CELF6: variants seen among roughly 807,000 people sequenced by gnomAD.
CELF6 encodes the protein Bruno -like 6, RNA binding protein.
CELF6 carries 32 observed loss-of-function variants against 53.1 expected under a neutral mutation model. That is an observed-to-expected ratio of 0.60 (90% CI 0.46 to 0.81). The LOEUF is 0.81. Among genes scored for constraint, CELF6 ranks in the 30% least tolerant of loss-of-function variants. CELF6 has a pLI of 0.00. For synonymous variants in CELF6, 291 were observed against 288.8 expected (o/e 1.01, Z -0.08); for missense variants, 539 against 669.5 (o/e 0.81, Z 2.15).
At chr15:72,317,774 C>T (rs2088379877) in intron 1 of CELF6, among the ~76,000 whole-genome samples, 2 of 152,122 alleles carry the variant, frequency 1.3e-5, no homozygotes, top group Admixed American at 1.3e-4. Context: ...GTTTTGCTAC[C>T]AACCCATATC....
In CELF6 at chr15:72,288,671, A is replaced by G. The variant is rs939385672; in HGVS notation, c.1094-53T>C. On this transcript the variant is annotated intron_variant, in intron 9 of 12. Transcript: ENST00000287202. The surrounding 1 kb of genome is among the most constrained non-coding windows in gnomAD (Gnocchi z 4.6). ...GATCCCCAGGAGCCCTTCCCCAAGCAGGGCCCCAACTGCCTGGCCGCTTTT... is the reference window on the plus strand; with the variant it reads ...GATCCCCAGGAGCCCTTCCCCAAGCGGGGCCCCAACTGCCTGGCCGCTTTT... 1.3e-6 allele frequency: 2 copies of G among 1,523,284 alleles called. No homozygotes were observed. The highest frequency in any genetic ancestry group is 1.4e-5 in the African/African-American group (1 of 72,466). The allele number at this position is 1,523,284 out of a possible 1,614,324, so 94.4% of individuals were successfully genotyped here.
intron 2 of CELF6, among the ~76,000 whole-genome samples, chr15:72,305,425 T>C (rs774019863): frequency 6.6e-6 from 1 of 152,214 alleles, no homozygotes; most frequent in Non-Finnish European, 1.5e-5. Context: ...TAAGTTATTC[T>C]TGAACTCCTG....
intron 1 of CELF6, among the ~76,000 whole-genome samples, chr15:72,317,837 T>G (rs1268482209): frequency 1.3e-5 from 2 of 152,122 alleles, no homozygotes; most frequent in African/African-American, 4.8e-5. Context: ...AGGGGCCCAG[T>G]TGCTGCCTAA....
chr15:72,314,766 T>A (rs572202173), intron 2 of CELF6, among the ~76,000 whole-genome samples: 2 of 152,160 alleles, frequency 1.3e-5, no homozygotes, highest in East Asian at 3.9e-4. Flanking sequence ...AGCTAATTTT[T>A]GTATTTTTAG....
chr15:72,304,699 T>C lies in CELF6; in HGVS notation c.394+47A>G, dbSNP rs1014904010. 17 of 1,577,970 alleles carry C rather than the reference T, an allele frequency of 1.1e-5. No individual in the cohort carries two copies. In the East Asian group the frequency reaches 1.3e-4, roughly 12 times the overall value. ...ACAGACTCCAGGTGTGGGCCCACCC[T>C]CCCTTACACGGGTTGCAGCCTGAGG... On this transcript the variant is annotated intron_variant, in intron 3 of 12. Transcript: ENST00000287202.
rs754069049 is a variant in CELF6 at position 72,289,361 on chromosome 15, C to T, written c.880+14G>A. 1,107 of 1,547,622 alleles carry T rather than the reference C, an allele frequency of 7.2e-4. 1 individual carries two copies. Among genetic ancestry groups the T allele is most frequent in the Non-Finnish European group, 9.0e-4 (1,034 of 1,154,662 alleles). Reference sequence around the variant, plus strand: ...GGCCCCTCCCAGGCGCGCCCCAGTCCCTGGGGGCCGTACCTGCCGCGGGCA... The same window carrying T: ...GGCCCCTCCCAGGCGCGCCCCAGTCTCTGGGGGCCGTACCTGCCGCGGGCA... On this transcript the variant is annotated intron_variant, in intron 7 of 12. Transcript: ENST00000287202. This position sits in a 1 kb window ranked among gnomAD's most constrained non-coding sequence, Gnocchi z 7.6.
chr15:72,307,939 C>T (rs1274150580), intron 2 of CELF6, among the ~76,000 whole-genome samples: 2 of 150,962 alleles, frequency 1.3e-5, no homozygotes, highest in African/African-American at 2.4e-5. Context: ...GGCTAGGGTA[C>T]GGACAGGGAG....
chr15:72,304,879 G>A, intron 2 of CELF6, 85 bp from the exon 3 acceptor site: 2 of 1,238,608 alleles, frequency 1.6e-6, no homozygotes, highest in African/African-American at 1.5e-5. Flanking sequence ...GACTCCTCAG[G>A]ATCTGAGCCC....
intron 3 of CELF6, among the ~76,000 whole-genome samples, chr15:72,293,025 TA>T (rs2088026792): frequency 6.6e-6 from 1 of 152,114 alleles, no homozygotes. Context: ...AGACTCCAAC[TA>T]AAAAAATTTT....
chr15:72,311,621 C>G (rs2088298534), intron 2 of CELF6, among the ~76,000 whole-genome samples: 1 of 151,920 alleles, frequency 6.6e-6, no homozygotes, highest in African/African-American at 2.4e-5. Context: ...CCAGGATGGT[C>G]TCAATCTCCT....
chr15:72,307,510 T>C (rs1474850419), intron 2 of CELF6, among the ~76,000 whole-genome samples: 3 of 152,206 alleles, frequency 2.0e-5, no homozygotes, highest in Non-Finnish European at 4.4e-5. Context: ...ACACTTTACA[T>C]ACATTGTCTC....
At position 72,288,597 on chromosome 15, in the gene CELF6, G is replaced by T. The variant is rs753286721; in HGVS notation, c.1115C>A (p.Ala372Asp). Residue 372 changes from alanine to aspartate, a missense_variant, in exon 10 of 13, where the codon GCC (alanine) becomes GAC (aspartate). By Grantham distance (126) the Ala-to-Asp change is moderately radical. Coordinates refer to ENST00000287202, the MANE Select transcript of CELF6 (RefSeq NM_052840.5). The surrounding 1 kb of genome is among the most constrained non-coding windows in gnomAD (Gnocchi z 4.6). Reference sequence around the variant, plus strand: ...CTGGGGAAAAGCTGTGCTCACTGGGGCATAGGCCGACGGATAGGCTGCTGG... The same window carrying T: ...CTGGGGAAAAGCTGTGCTCACTGGGTCATAGGCCGACGGATAGGCTGCTGG... ...HYAAAYPSAY[A>D]PVSTAFPQQP... 18 of 1,570,698 alleles carry T rather than the reference G, an allele frequency of 1.1e-5. No individual in the cohort carries two copies. Among genetic ancestry groups the T allele is most frequent in the Non-Finnish European group, 1.3e-5 (15 of 1,158,114 alleles).
intron 3 of CELF6, among the ~76,000 whole-genome samples, chr15:72,298,264 T>C (rs1454187865): frequency 6.6e-6 from 1 of 152,226 alleles, no homozygotes; most frequent in Non-Finnish European, 1.5e-5. Flanking sequence ...GATAGTCATA[T>C]ATGCATTATG....
chr15:72,289,282 T>G lies in CELF6; in HGVS notation c.886A>C (p.Asn296His). 6.4e-7 allele frequency: 1 copy of G among 1,568,604 alleles called. No homozygotes were observed. The highest frequency in any genetic ancestry group is 8.6e-7 in the Non-Finnish European group (1 of 1,162,990). ...CCAGGGCCGCTGCCAGGCGGGGAGT[T>G]GGCTGCTGATGGCGGAAAAGGTCTG... ...AAPLLPAAAA[N>H]SPPGSGPGTL... Residue 296 changes from asparagine (N) to histidine (H), a missense_variant, in exon 8 of 13, where the codon AAC becomes CAC. Transcript: ENST00000287202. The surrounding 1 kb of genome is among the most constrained non-coding windows in gnomAD (Gnocchi z 7.6).
Position 72,289,552 on chromosome 15 carries a change from C to CAGCT in CELF6, c.748-49_748-46dup. ...CGAGAGTGGAGGGCCAAGGGGCAGG[C>CAGCT]AGCTGCCCGTGCTCTCAGCCCCAGG... On this transcript the variant is annotated intron_variant, in intron 6 of 12. Transcript: ENST00000287202. This position sits in a 1 kb window ranked among gnomAD's most constrained non-coding sequence, Gnocchi z 7.6. 6.7e-7 allele frequency: 1 copy of CAGCT among 1,486,498 alleles called. No individual in the cohort carries two copies. The highest frequency in any genetic ancestry group is 8.9e-7 in the Non-Finnish European group (1 of 1,122,998). The allele number at this position is 1,486,498 out of a possible 1,614,324, so 92.1% of individuals were successfully genotyped here.
intron 1 of CELF6, among the ~76,000 whole-genome samples, chr15:72,316,752 C>T (rs2088369048): frequency 6.6e-6 from 1 of 152,188 alleles, no homozygotes; most frequent in African/African-American, 2.4e-5. Context: ...TCCTCCTTTC[C>T]AACAGCCACT....
intron 2 of CELF6, among the ~76,000 whole-genome samples, chr15:72,305,092 C>T (rs1305283534): frequency 2.0e-5 from 3 of 152,158 alleles, no homozygotes; most frequent in South Asian, 2.1e-4. Context: ...TATGTGAGGC[C>T]TGTCCCTTTG....
Position 72,289,295 on chromosome 15 carries a change from CG to C in CELF6, c.881-9del. On this transcript the variant is annotated splice_polypyrimidine_tract_variant and intron_variant, in intron 7 of 12. Coordinates refer to ENST00000287202, the MANE Select transcript of CELF6 (RefSeq NM_052840.5). This position sits in a 1 kb window ranked among gnomAD's most constrained non-coding sequence, Gnocchi z 7.6. ...CAGGCGGGGAGTTGGCTGCTGATGG[CG>C]GAAAAGGTCTGAGAGTCAGGCCGCC... 1 of 1,561,978 alleles carries C rather than the reference CG, an allele frequency of 6.4e-7. No homozygotes were observed. The highest frequency in any genetic ancestry group is 1.3e-5 in the African/African-American group (1 of 74,138).
intron 1 of CELF6, 128 bp from the exon 2 acceptor site, chr15:72,316,055 C>T: frequency 1.6e-6 from 1 of 614,426 alleles, no homozygotes; most frequent in Admixed American, 2.9e-5. Context: ...TCTGAGAAGC[C>T]CTCTCTGCCT....
Sources: allele counts gnomAD v4.1 joint callset (sites outside exome capture counted in the v4.1 genomes callset), GRCh38; gene constraint gnomAD v4.1.1; non-coding constraint Gnocchi (gnomAD v3.1); transcripts MANE v1.5; gene names NCBI Gene and HGNC (gene_info 2026-07-23, HGNC 2026-07-21).